Variants in GPHN observed in about 807,000 individuals in gnomAD.
The protein encoded by GPHN is gephyrin.
GPHN carries 17 observed loss-of-function variants against 95.5 expected under a neutral mutation model. The ratio of observed to expected loss-of-function variants is 0.18; its 90% confidence interval spans 0.12 to 0.27. The LOEUF is 0.27. Among genes scored for constraint, GPHN ranks in the 10% least tolerant of loss-of-function variants. The pLI, the probability that GPHN is intolerant of heterozygous loss-of-function variation, is 1.00. For missense variants in GPHN, 660 were observed against 978.1 expected (o/e 0.67, Z 4.34); for synonymous variants, 320 against 322.5 (o/e 0.99, Z 0.08).
chr14:66,529,068 T>C (rs1566549822), intron 1 of GPHN, among the ~76,000 whole-genome samples: 2 of 152,184 alleles, frequency 1.3e-5, no homozygotes, highest in Non-Finnish European at 2.9e-5. Flanking sequence ...TTTCCAACTT[T>C]GTTCCATTCT....
At chr14:66,701,146 A>ATACATATGTATATATGCATATT (rs1276565818) in intron 2 of GPHN, among the ~76,000 whole-genome samples, 3 of 152,308 alleles carry the variant, frequency 2.0e-5, no homozygotes, top group East Asian at 3.9e-4. Context: ...AGATACATAT[A>ATACATATGTATATATGCATATT]TACATATGTA....
At chr14:66,893,181 T>C (rs969387734) in intron 5 of GPHN, among the ~76,000 whole-genome samples, 1 of 152,172 alleles carries the variant, frequency 6.6e-6, no homozygotes, top group African/African-American at 2.4e-5. Flanking sequence ...TTATTTGTTA[T>C]AACTCATAAA....
At chr14:66,524,116 A>G (rs2058589490) in intron 1 of GPHN, among the ~76,000 whole-genome samples, 1 of 152,154 alleles carries the variant, frequency 6.6e-6, no homozygotes, top group Non-Finnish European at 1.5e-5. Context: ...AAATTCACAT[A>G]CATATATGTG....
At chr14:67,368,392 C>T in the GPHN span, among the ~76,000 whole-genome samples, 1 of 152,178 alleles carries the variant, frequency 6.6e-6, no homozygotes, top group Non-Finnish European at 1.5e-5. Flanking sequence ...AAGCCCTTTG[C>T]TGACTCCTCC....
chr14:66,751,186 T>G (rs2058350622), intron 2 of GPHN, among the ~76,000 whole-genome samples: 1 of 152,050 alleles, frequency 6.6e-6, no homozygotes, highest in African/African-American at 2.4e-5. Flanking sequence ...ATAGAATGAT[T>G]TATATTACTT....
the GPHN span, among the ~76,000 whole-genome samples, chr14:67,268,945 ATATT>A: frequency 6.6e-6 from 1 of 152,180 alleles, no homozygotes; most frequent in Non-Finnish European, 1.5e-5. Context: ...GGATTTTAGT[ATATT>A]TAGAGTTGTG....
At chr14:67,021,757 C>A (rs1567221715) in intron 9 of GPHN, among the ~76,000 whole-genome samples, 1 of 152,060 alleles carries the variant, frequency 6.6e-6, no homozygotes. Flanking sequence ...ACTAGCTCCA[C>A]TCTAGATTGG....
intron 11 of GPHN, among the ~76,000 whole-genome samples, chr14:67,077,728 T>A (rs1331245066): frequency 6.6e-6 from 1 of 152,188 alleles, no homozygotes; most frequent in African/African-American, 2.4e-5. Context: ...CATTAATCAC[T>A]GTTATCATAT....
At chr14:66,634,848 G>C (rs1369970027) in intron 1 of GPHN, among the ~76,000 whole-genome samples, 2 of 152,260 alleles carry the variant, frequency 1.3e-5, no homozygotes, top group African/African-American at 4.8e-5. Flanking sequence ...ATTAGATTGG[G>C]ACAAGATCAC....
intron 12 of GPHN, among the ~76,000 whole-genome samples, chr14:67,096,205 G>A (rs2153673643): frequency 6.6e-6 from 1 of 152,272 alleles, no homozygotes; most frequent in Middle Eastern, 3.4e-3. Context: ...AAGGTTCAGA[G>A]TAAGGTTGAG....
At chr14:66,942,146 A>G (rs2067464054) in intron 8 of GPHN, among the ~76,000 whole-genome samples, 1 of 151,976 alleles carries the variant, frequency 6.6e-6, no homozygotes, top group Non-Finnish European at 1.5e-5. Context: ...CAAGTACCTG[A>G]GATTACAGGT....
the GPHN span, among the ~76,000 whole-genome samples, chr14:67,728,604 C>T: frequency 6.6e-6 from 1 of 151,688 alleles, no homozygotes; most frequent in Non-Finnish European, 1.5e-5. Flanking sequence ...TTTTACAAGC[C>T]TCTTTAAGAA....
chr14:67,489,175 G>A, the GPHN span, among the ~76,000 whole-genome samples: 4 of 152,174 alleles, frequency 2.6e-5, no homozygotes, highest in Non-Finnish European at 2.9e-5. Flanking sequence ...TGAGGGGCAG[G>A]AAGGGCAGAA....
intron 2 of GPHN, among the ~76,000 whole-genome samples, chr14:66,695,675 C>G (rs1232368248): frequency 6.6e-6 from 1 of 151,952 alleles, no homozygotes; most frequent in Non-Finnish European, 1.5e-5. Context: ...TATTCAGTGC[C>G]AAAAAGAAAT....
At chr14:66,895,804 G>A (rs1258205820) in intron 5 of GPHN, among the ~76,000 whole-genome samples, 1 of 152,170 alleles carries the variant, frequency 6.6e-6, no homozygotes, top group Non-Finnish European at 1.5e-5. Context: ...CAGATGGAGA[G>A]TTGAGGATAC....
At chr14:67,082,095 T>A (rs2076717574) in intron 11 of GPHN, among the ~76,000 whole-genome samples, 1 of 152,110 alleles carries the variant, frequency 6.6e-6, no homozygotes, top group Admixed American at 6.6e-5. Flanking sequence ...CTTTTTTGGT[T>A]TTATATGAAT....
chr14:67,401,581 C>T, the GPHN span, among the ~76,000 whole-genome samples: 1 of 151,990 alleles, frequency 6.6e-6, no homozygotes. Context: ...AGAGGAAAGA[C>T]CACTCAGGAC....
At chr14:66,774,963 A>T (rs999727501) in intron 2 of GPHN, among the ~76,000 whole-genome samples, 1 of 152,074 alleles carries the variant, frequency 6.6e-6, no homozygotes, top group African/African-American at 2.4e-5. Context: ...GCTTTAAAAC[A>T]TGCCTTTTCT....
At chr14:66,810,654 G>A (rs1011050693) in intron 3 of GPHN, among the ~76,000 whole-genome samples, 23 of 152,154 alleles carry the variant, frequency 1.5e-4, no homozygotes, top group Admixed American at 2.6e-4. Flanking sequence ...TGATTTGGCC[G>A]AGTACCTTTG....
Sources: allele counts gnomAD v4.1 joint callset (sites outside exome capture counted in the v4.1 genomes callset), GRCh38; gene constraint gnomAD v4.1.1; transcripts MANE v1.5; gene names NCBI Gene and HGNC (gene_info 2026-07-23, HGNC 2026-07-21).